Variants in TTC29 observed in about 807,000 individuals in gnomAD.
TTC29 encodes the protein tetratricopeptide repeat protein 29.
A neutral mutation model predicts 58.1 loss-of-function variants in TTC29; 49 were observed. That is an observed-to-expected ratio of 0.84 (90% confidence interval 0.67 to 1.07). The LOEUF is 1.07. Among genes scored for constraint, TTC29 ranks in the 50% least tolerant of loss-of-function variants. TTC29 has a pLI of 0.00. For missense variants in TTC29, 582 were observed against 555.6 expected (o/e 1.05, Z -0.48); for synonymous variants, 209 against 196.8 (o/e 1.06, Z -0.52).
intron 6 of TTC29, among the ~76,000 whole-genome samples, chr4:146,885,640 G>C (rs374686599): frequency 5.3e-5 from 8 of 151,938 alleles, no homozygotes; most frequent in Admixed American, 1.3e-4. Context: ...AACATTTTTA[G>C]AACTGGAATT....
intron 8 of TTC29, among the ~76,000 whole-genome samples, chr4:146,842,546 C>T (rs17785555): frequency 0.039 from 5,953 of 151,678 alleles, 180 homozygotes; most frequent in Non-Finnish European, 0.059. Context: ...TCTAAGAGAA[C>T]CAGAAGAGTT....
At chr4:146,826,356 A>G (rs1237012166) in intron 9 of TTC29, among the ~76,000 whole-genome samples, 1 of 152,154 alleles carries the variant, frequency 6.6e-6, no homozygotes, top group Non-Finnish European at 1.5e-5. Flanking sequence ...TTTGTTTCTC[A>G]TTCACTTATG....
In TTC29 at chr4:146,707,342, A is replaced by AT. The variant is rs941648673; in HGVS notation, c.1397+142dup. Reference sequence around the variant, plus strand: ...TGTGACATTTGAAAATAAATCTGTGATTTTTTTTAAAGCAGTGTTTCACTA... The same window carrying AT: ...TGTGACATTTGAAAATAAATCTGTGATTTTTTTTTAAAGCAGTGTTTCACTA... On this transcript the variant is annotated intron_variant, in intron 12 of 12. Coordinates refer to ENST00000325106, the MANE Select transcript of TTC29 (RefSeq NM_031956.4). The AT allele has an allele frequency of 1.2e-4, 93 of 787,960 alleles. 1 individual carries two copies. The highest frequency in any genetic ancestry group is 6.5e-4 in the African/African-American group (37 of 56,992). 48.8% of individuals were successfully genotyped at this position (787,960 alleles called of 1,614,324 possible).
At chr4:146,859,734 G>C (rs1730105715) in intron 8 of TTC29, among the ~76,000 whole-genome samples, 1 of 152,044 alleles carries the variant, frequency 6.6e-6, no homozygotes, top group African/African-American at 2.4e-5. Flanking sequence ...TGGGAGTTTT[G>C]GGTTTAGGGA....
At position 146,867,417 on chromosome 4, in the gene TTC29, C is replaced by T. The variant is rs565523549; in HGVS notation, c.885+81G>A. The T allele has an allele frequency of 3.9e-4, 254 of 653,322 alleles. No homozygotes were observed. In the African/African-American group the frequency reaches 4.3e-3, roughly 11 times the overall value. The allele number at this position is 653,322 out of a possible 1,614,324, so 40.5% of individuals were successfully genotyped here. On this transcript the variant is annotated intron_variant, in intron 8 of 12. Coordinates refer to ENST00000325106, the MANE Select transcript of TTC29 (RefSeq NM_031956.4). Reference sequence around the variant, plus strand: ...GTCAGGCCTAACTCATTTCTATTGGCCTTGTAATAACATATAGGAAAATAA... The same window carrying T: ...GTCAGGCCTAACTCATTTCTATTGGTCTTGTAATAACATATAGGAAAATAA...
Position 146,737,600 on chromosome 4 carries a change from G to T in TTC29, c.1331-30049C>A, listed in dbSNP as rs936346964. Among the ~76,000 whole-genome samples, 49 of 147,628 alleles carry T rather than the reference G, an allele frequency of 3.3e-4. 3 individuals carry two copies. The highest frequency in any genetic ancestry group is 2.2e-3 in the Admixed American group (33 of 14,802). The stretch of plus-strand genomic sequence containing the variant: ...TGATGCTAGTAGCCCTGGGGGGGGG[G>T]GGGCTACAAACGGGTCTTGACAGGA... On this transcript the variant is annotated intron_variant, in intron 11 of 12. Coordinates refer to ENST00000325106, the MANE Select transcript of TTC29 (RefSeq NM_031956.4).
chr4:146,754,122 C>T (rs1746245973), intron 11 of TTC29, among the ~76,000 whole-genome samples: 1 of 149,776 alleles, frequency 6.7e-6, no homozygotes, highest in Non-Finnish European at 1.5e-5. Context: ...AAATAAACTA[C>T]CATCATTTTA....
chr4:146,785,295 C>T (rs1371584190), intron 11 of TTC29, among the ~76,000 whole-genome samples: 1 of 150,796 alleles, frequency 6.6e-6, no homozygotes, highest in African/African-American at 2.4e-5. Flanking sequence ...CAAGTTCAAG[C>T]GATTCTTCTG....
At chr4:146,711,183 C>A (rs761471360) in intron 11 of TTC29, among the ~76,000 whole-genome samples, 16 of 152,080 alleles carry the variant, frequency 1.1e-4, no homozygotes, top group Non-Finnish European at 1.8e-4. Flanking sequence ...TTCAACCTTT[C>A]TTCAACAAAC....
chr4:146,860,702 T>C (rs1730172507), intron 8 of TTC29, among the ~76,000 whole-genome samples: 1 of 152,112 alleles, frequency 6.6e-6, no homozygotes, highest in Non-Finnish European at 1.5e-5. Context: ...TTTCCGAAAT[T>C]TTTCCATTTA....
At chr4:146,728,972 T>C (rs1744121008) in intron 11 of TTC29, among the ~76,000 whole-genome samples, 1 of 150,872 alleles carries the variant, frequency 6.6e-6, no homozygotes, top group Admixed American at 6.7e-5. Context: ...TGTTTTGTTT[T>C]CTGCTGTATC....
At chr4:146,838,681 T>C (rs141690229) in intron 8 of TTC29, among the ~76,000 whole-genome samples, 11 of 152,114 alleles carry the variant, frequency 7.2e-5, no homozygotes, top group Non-Finnish European at 1.0e-4. Flanking sequence ...TGCATGAGTC[T>C]ACTTAATGCG....
At chr4:146,912,677 C>T (rs1237720628) in intron 4 of TTC29, among the ~76,000 whole-genome samples, 1 of 151,902 alleles carries the variant, frequency 6.6e-6, no homozygotes, top group Non-Finnish European at 1.5e-5. Context: ...TTAGCATTCT[C>T]GAGTCTGTGA....
At chr4:146,923,868 C>T (rs1282816499) in intron 4 of TTC29, among the ~76,000 whole-genome samples, 1 of 151,696 alleles carries the variant, frequency 6.6e-6, no homozygotes, top group African/African-American at 2.4e-5. Context: ...TATAAGAATG[C>T]ATTTCAACTA....
At chr4:146,784,892 A>G (rs1414510466) in intron 11 of TTC29, among the ~76,000 whole-genome samples, 1 of 152,226 alleles carries the variant, frequency 6.6e-6, no homozygotes, top group Non-Finnish European at 1.5e-5. Context: ...ATATTTCTTT[A>G]AAATTTCCCT....
intron 10 of TTC29, among the ~76,000 whole-genome samples, chr4:146,816,441 G>C (rs1751413810): frequency 6.6e-6 from 1 of 152,112 alleles, no homozygotes; most frequent in South Asian, 2.1e-4. Context: ...GAGGGTAGCA[G>C]AGGAAGCACA....
At chr4:146,804,337 A>T (rs1750450028) in intron 10 of TTC29, among the ~76,000 whole-genome samples, 1 of 152,000 alleles carries the variant, frequency 6.6e-6, no homozygotes, top group Non-Finnish European at 1.5e-5. Context: ...TAGCTGCAGG[A>T]GTTTTTTTTT....
chr4:146,924,149 C>T (rs541117724), intron 4 of TTC29, among the ~76,000 whole-genome samples: 128 of 151,866 alleles, frequency 8.4e-4, no homozygotes, highest in African/African-American at 2.9e-3. Context: ...TAAGAATATA[C>T]TTAATACACT....
chr4:146,879,299 A>G (rs1731468857), intron 6 of TTC29, among the ~76,000 whole-genome samples: 1 of 152,166 alleles, frequency 6.6e-6, no homozygotes, highest in African/African-American at 2.4e-5. Context: ...TTAAATATGC[A>G]AGCATTTCCC....
Sources: allele counts gnomAD v4.1 joint callset (sites outside exome capture counted in the v4.1 genomes callset), GRCh38; gene constraint gnomAD v4.1.1; transcripts MANE v1.5; gene names NCBI Gene and HGNC (gene_info 2026-07-23, HGNC 2026-07-21).